HEXB: variants seen among roughly 807,000 people sequenced by gnomAD.
HEXB encodes the protein hexosaminidase subunit beta, also known as beta-hexosaminidase subunit beta.
A neutral mutation model predicts 71.2 loss-of-function variants in HEXB; 51 were observed. The ratio of observed to expected loss-of-function variants is 0.72; its 90% CI spans 0.57 to 0.90. The LOEUF is 0.90. Ranked by LOEUF, HEXB falls within the 40% of genes least tolerant of loss-of-function variation. The probability of loss-of-function intolerance (pLI) is 0.00; values close to 1 mark genes in which losing one functional copy is unlikely to be tolerated. For missense variants in HEXB, 617 were observed against 677.0 expected (o/e 0.91, Z 0.98); for synonymous variants, 266 against 249.3 (o/e 1.07, Z -0.63).
At position 74,652,363 on chromosome 5, in the gene HEXB, C is replaced by T. The variant is rs1748129674; in HGVS notation, c.-377+11805C>T. Among the ~76,000 whole-genome samples, 1 of 152,222 alleles carries T rather than the reference C, an allele frequency of 6.6e-6. No homozygotes were observed. Among genetic ancestry groups the T allele is most frequent in the African/African-American group, 2.4e-5 (1 of 41,460 alleles). The stretch of plus-strand genomic sequence containing the variant: ...AGCTGTGCTCTCCTAGTGTGTGGGC[C>T]TCCTGGCCCACGTGTCCAGCAAGCA... On this transcript the variant is annotated intron_variant, in intron 1 of 13. Transcript: ENST00000511181. The surrounding 1 kb of genome is among the most constrained non-coding windows in gnomAD (Gnocchi z 5.4).
chr5:74,649,149 C>T (rs1321509325), intron 1 of HEXB, among the ~76,000 whole-genome samples: 3 of 152,130 alleles, frequency 2.0e-5, no homozygotes, highest in African/African-American at 7.2e-5. Context: ...TGAGCAATGC[C>T]AAATGTAATC....
intron 6 of HEXB, among the ~76,000 whole-genome samples, chr5:74,709,153 C>T (rs1104272): frequency 0.68 from 103,481 of 152,018 alleles, 36,888 homozygotes; most frequent in East Asian, 0.8. Context: ...CAAAACTGCT[C>T]AACTACATGG....
intron 1 of HEXB, among the ~76,000 whole-genome samples, chr5:74,666,827 T>G (rs957576574): frequency 1.1e-4 from 16 of 151,762 alleles, no homozygotes; most frequent in African/African-American, 2.4e-4. Flanking sequence ...CACACACATA[T>G]AGAGAGAGAG....
At chr5:74,719,146 T>G (rs1300187596) in intron 11 of HEXB, among the ~76,000 whole-genome samples, 175 bp downstream of exon 11, 1 of 152,186 alleles carries the variant, frequency 6.6e-6, no homozygotes, top group Admixed American at 6.5e-5. Flanking sequence ...TTTTATGTGT[T>G]TTTTTAAGTT....
chr5:74,706,640 T>G (rs1749399456), intron 6 of HEXB, among the ~76,000 whole-genome samples: 1 of 152,170 alleles, frequency 6.6e-6, no homozygotes, highest in South Asian at 2.1e-4. Context: ...CACCAGGATA[T>G]TATATCCTGC....
At chr5:74,669,681 A>T (rs1297761699) in intron 1 of HEXB, among the ~76,000 whole-genome samples, 4 of 152,200 alleles carry the variant, frequency 2.6e-5, no homozygotes, top group African/African-American at 9.6e-5. Flanking sequence ...TGACAAGCAG[A>T]GCTAGGGATA....
At position 74,685,355 on chromosome 5, in the gene HEXB, A is replaced by T. The variant is rs1018410552; in HGVS notation, c.95A>T (p.Gln32Leu). ...LLAAMLALLT[Q>L]VALVVQVAEA... Reference sequence around the variant, plus strand: ...GCGGCGATGTTGGCGCTGCTGACTCAGGTGGCGCTGGTGGTGCAGGTGGCG... The same window carrying T: ...GCGGCGATGTTGGCGCTGCTGACTCTGGTGGCGCTGGTGGTGCAGGTGGCG... The change falls in exon 1 of 14, where the codon CAG (glutamine) becomes CTG (leucine). Residue 32 changes from glutamine (Q) to leucine (L), a missense_variant. Transcript: ENST00000261416. 6.3e-7 allele frequency: 1 copy of T among 1,585,782 alleles called. No individual in the cohort carries two copies. Among genetic ancestry groups the T allele is most frequent in the Non-Finnish European group, 8.6e-7 (1 of 1,167,776 alleles).
intron 1 of HEXB, among the ~76,000 whole-genome samples, chr5:74,663,650 G>A (rs1748373300): frequency 6.6e-6 from 1 of 152,194 alleles, no homozygotes; most frequent in Non-Finnish European, 1.5e-5. Context: ...TGGGAGTCAA[G>A]GGTTTCAAAG....
intron 1 of HEXB, among the ~76,000 whole-genome samples, chr5:74,678,799 A>C (rs1748682805): frequency 6.6e-6 from 1 of 152,212 alleles, no homozygotes; most frequent in Non-Finnish European, 1.5e-5. Context: ...AAATATTTGT[A>C]ATATACAGCA....
At chr5:74,671,100 A>AG (rs1748528866) in intron 1 of HEXB, among the ~76,000 whole-genome samples, 1 of 152,074 alleles carries the variant, frequency 6.6e-6, no homozygotes, top group Admixed American at 6.6e-5. Flanking sequence ...CTCAAGGGAT[A>AG]GGGTGGTACA....
At chr5:74,683,545 C>A (rs1004095917), upstream of HEXB, among the ~76,000 whole-genome samples, 8 of 152,036 alleles carry the variant, frequency 5.3e-5, no homozygotes, top group Non-Finnish European at 1.0e-4. Context: ...CTTAAGTGAT[C>A]CACCTGCCTT....
In HEXB at chr5:74,689,863, C is replaced by T. The variant is rs770833071; in HGVS notation, c.445+390C>T. 3.8e-4 allele frequency: 76 copies of T among 200,968 alleles called. 1 individual carries two copies. The highest frequency in any genetic ancestry group is 1.9e-3 in the Admixed American group (35 of 18,364). The allele number at this position is 200,968 out of a possible 1,614,324, so 12.4% of individuals were successfully genotyped here. A position where few individuals can be genotyped will look rare whatever the true frequency, so the allele number is the denominator to read the frequency against. ...TTGTATTTTTGTTGTATTTTTATAT[C>T]ATGCTTTTTTGCAAAATACATTATA... On this transcript the variant is annotated intron_variant, in intron 2 of 13. Coordinates refer to ENST00000261416, the MANE Select transcript of HEXB (RefSeq NM_000521.4).
At chr5:74,670,225 C>T (rs1748507189) in intron 1 of HEXB, among the ~76,000 whole-genome samples, 1 of 151,710 alleles carries the variant, frequency 6.6e-6, no homozygotes, top group Non-Finnish European at 1.5e-5. Flanking sequence ...GTGAGTGGTG[C>T]CTTTGTTTTA....
chr5:74,716,707 G>C (rs772442186), intron 9 of HEXB, 34 bp downstream of exon 9: 7 of 1,305,222 alleles, frequency 5.4e-6, no homozygotes, highest in East Asian at 2.3e-5. Flanking sequence ...CTGTATTAAT[G>C]CTTTTTGTAA....
At chr5:74,717,621 C>A (rs982113138) in intron 9 of HEXB, among the ~76,000 whole-genome samples, 3 of 151,612 alleles carry the variant, frequency 2.0e-5, no homozygotes, top group African/African-American at 4.9e-5. Context: ...TGCCCATGGA[C>A]CACATACAAT....
intron 1 of HEXB, among the ~76,000 whole-genome samples, chr5:74,647,075 A>G (rs73113474): frequency 0.17 from 25,761 of 152,156 alleles, 2,934 homozygotes; most frequent in African/African-American, 0.32. Context: ...GCTCACTCAG[A>G]TCTATCAGAA....
chr5:74,706,273 TA>T (rs1189597134), intron 6 of HEXB: 1 of 152,096 alleles, frequency 6.6e-6, no homozygotes, highest in Non-Finnish European at 1.5e-5. Context: ...AAATTAAGAG[TA>T]ATCTAGACAG....
rs1202468377 is a variant in HEXB at position 74,641,900 on chromosome 5, C to T, written c.-377+1342C>T. ...CCAGGGAGATGTGAATTGCCTGGCT[C>T]GTAGTCACTTAGCAACAATGTCCCA... On this transcript the variant is annotated intron_variant, in intron 1 of 13. Transcript: ENST00000511181. This position sits in a 1 kb window ranked among gnomAD's most constrained non-coding sequence, Gnocchi z 4.1. 6.6e-6 allele frequency among the ~76,000 whole-genome samples: 1 copy of T among 152,124 alleles called. No individual in the cohort carries two copies. The highest frequency in any genetic ancestry group is 1.5e-5 in the Non-Finnish European group (1 of 68,026).
At chr5:74,718,467 T>C in intron 10 of HEXB, 104 bp downstream of exon 10, 1 of 905,664 alleles carries the variant, frequency 1.1e-6, no homozygotes, top group South Asian at 1.3e-5. Flanking sequence ...ACCTTTCTAG[T>C]GTAGTTAGTG....
Sources: gnomAD v4.1 joint callset for allele counts (sites outside exome capture counted in the v4.1 genomes callset) on GRCh38, gnomAD v4.1.1 for gene constraint, Gnocchi (gnomAD v3.1) non-coding constraint, MANE v1.5 for transcripts, NCBI Gene and HGNC (gene_info 2026-07-23, HGNC 2026-07-21) for gene names.